NRXN3: variants seen among roughly 807,000 people sequenced by gnomAD.
The protein encoded by NRXN3 is neurexin 3.
Under a neutral mutation model 137.6 loss-of-function variants are expected in NRXN3, and 32 were observed. That is an observed-to-expected ratio of 0.23 (90% CI 0.18 to 0.31). The LOEUF (loss-of-function observed/expected upper bound fraction) is 0.31, where lower values mean the gene tolerates loss of function less well. Among genes scored for constraint, NRXN3 ranks in the 10% least tolerant of loss-of-function variants. The pLI is 1.00. For missense variants in NRXN3, 1,574 were observed against 2,062.5 expected, an observed-to-expected ratio of 0.76 and a Z score of 4.59; for synonymous variants, 798 against 784.5, an observed-to-expected ratio of 1.02 and a Z score of -0.29.
chr14:79,300,738 A>G (rs1230119414), intron 15 of NRXN3, among the ~76,000 whole-genome samples: 1 of 152,090 alleles, frequency 6.6e-6, no homozygotes, highest in African/African-American at 2.4e-5. Flanking sequence ...GGCTAGATTC[A>G]ATGGGCAGGG....
At chr14:79,161,870 A>G (rs2060806272) in intron 15 of NRXN3, among the ~76,000 whole-genome samples, 1 of 151,994 alleles carries the variant, frequency 6.6e-6, no homozygotes, top group East Asian at 2.0e-4. Context: ...GACTTTAACA[A>G]TAAAGATACT....
rs182646613 is a variant in NRXN3, at chr14:79,474,535, C to G, written c.3444+7133C>G. On this transcript the variant is annotated intron_variant, in intron 16 of 20. Transcript: ENST00000335750. Reference sequence around the variant, plus strand: ...ATCTCTTTAGCATAAAGTGAAGAAGCAGTTACCTCTGAGGGAATTTAGGTC... The same window carrying G: ...ATCTCTTTAGCATAAAGTGAAGAAGGAGTTACCTCTGAGGGAATTTAGGTC... 2.4e-3 allele frequency among the ~76,000 whole-genome samples: 364 copies of G among 152,172 alleles called. 1 individual carries two copies. Among genetic ancestry groups the G allele is most frequent in the Non-Finnish European group, 4.5e-3 (304 of 67,992 alleles).
chr14:78,516,780 T>G (rs969530306), intron 4 of NRXN3, among the ~76,000 whole-genome samples: 1 of 152,132 alleles, frequency 6.6e-6, no homozygotes, highest in African/African-American at 2.4e-5. Context: ...TATTTCCCAC[T>G]GAAACTTGGG....
intron 19 of NRXN3, among the ~76,000 whole-genome samples, chr14:79,720,137 C>T (rs1318449829): frequency 2.0e-5 from 3 of 151,970 alleles, no homozygotes; most frequent in Non-Finnish European, 4.4e-5. Flanking sequence ...GCTAGGGAGG[C>T]CTCACAATCA....
chr14:78,254,434 A>T (rs1043749810), intron 2 of NRXN3, among the ~76,000 whole-genome samples: 1 of 152,158 alleles, frequency 6.6e-6, no homozygotes, highest in East Asian at 1.9e-4. Context: ...TAATCCCAGC[A>T]CTTTGGGAGG....
At chr14:79,298,895 T>A (rs2084659763) in intron 15 of NRXN3, 1 of 152,202 alleles carries the variant, frequency 6.6e-6, no homozygotes, top group Non-Finnish European at 1.5e-5. Flanking sequence ...GCTGCTTAAA[T>A]AGGATGAGCA....
In NRXN3 at chr14:78,668,491, G is replaced by T. The variant is rs74763858; in HGVS notation, c.1221+17165G>T. Reference sequence around the variant, plus strand: ...ACAATATCTGGAGACTCTTTTAGTTGTTGAAACTAGGGTGGAGGAGTGGTT... The same window carrying T: ...ACAATATCTGGAGACTCTTTTAGTTTTTGAAACTAGGGTGGAGGAGTGGTT... On this transcript the variant is annotated intron_variant, in intron 6 of 20. Coordinates refer to ENST00000335750, the MANE Select transcript of NRXN3 (RefSeq NM_001330195.2). Among the ~76,000 whole-genome samples, 4 of 152,272 alleles carry T rather than the reference G, an allele frequency of 2.6e-5. No homozygotes were observed. In the East Asian group the frequency reaches 7.7e-4, roughly 29 times the overall value.
At chr14:79,525,378 C>T (rs185870762) in intron 16 of NRXN3, among the ~76,000 whole-genome samples, 1 of 152,180 alleles carries the variant, frequency 6.6e-6, no homozygotes, top group South Asian at 2.1e-4. Flanking sequence ...AATTCCCCAC[C>T]TGCATGGAGG....
intron 20 of NRXN3, among the ~76,000 whole-genome samples, chr14:79,844,927 A>G (rs1603619027): frequency 6.6e-6 from 1 of 152,040 alleles, no homozygotes; most frequent in African/African-American, 2.4e-5. Flanking sequence ...TACATTAAAA[A>G]CCTGTTGTTT....
intron 14 of NRXN3, chr14:78,972,838 C>CA (rs2099447982): frequency 2.0e-5 from 3 of 152,234 alleles, no homozygotes; most frequent in Admixed American, 2.0e-4. Flanking sequence ...CTCTTACTAA[C>CA]CTCTGGTTAT....
At chr14:78,713,754 T>G (rs1293386788) in intron 7 of NRXN3, among the ~76,000 whole-genome samples, 1 of 152,140 alleles carries the variant, frequency 6.6e-6, no homozygotes, top group Non-Finnish European at 1.5e-5. Flanking sequence ...AGAAGTGCAG[T>G]GCCAGCCAGA....
chr14:79,456,771 G>A (rs1175539766), intron 15 of NRXN3, among the ~76,000 whole-genome samples: 5 of 151,632 alleles, frequency 3.3e-5, no homozygotes, highest in Admixed American at 3.3e-4. Context: ...AGGAGAGGAA[G>A]AGAAGCAGAG....
intron 4 of NRXN3, among the ~76,000 whole-genome samples, chr14:78,349,415 A>G: frequency 6.6e-6 from 1 of 152,194 alleles, no homozygotes; most frequent in Non-Finnish European, 1.5e-5. Context: ...CCATCAGGAT[A>G]TTAGCTGGGA....
chr14:78,707,561 A>AT (rs1439530152), intron 6 of NRXN3, among the ~76,000 whole-genome samples: 2 of 152,066 alleles, frequency 1.3e-5, no homozygotes, highest in African/African-American at 2.4e-5. Flanking sequence ...GTCATAACAG[A>AT]TTTTTTTCCC....
chr14:79,849,555 A>G (rs2099387350), intron 20 of NRXN3, among the ~76,000 whole-genome samples: 2 of 152,224 alleles, frequency 1.3e-5, no homozygotes, highest in South Asian at 4.1e-4. Flanking sequence ...TCACCATGAG[A>G]TATCACCTCA....
intron 15 of NRXN3, among the ~76,000 whole-genome samples, chr14:79,101,333 A>C (rs571685744): frequency 2.6e-5 from 4 of 152,330 alleles, no homozygotes; most frequent in Admixed American, 2.6e-4. Context: ...TCTCCAATTC[A>C]AGCTTAAGTT....
intron 4 of NRXN3, among the ~76,000 whole-genome samples, chr14:78,626,425 G>A (rs575387936): frequency 1.3e-5 from 2 of 152,052 alleles, no homozygotes; most frequent in African/African-American, 4.8e-5. Flanking sequence ...GAGAGTTAAA[G>A]GCATCAATCG....
At chr14:79,491,725 A>G (rs972315235) in intron 16 of NRXN3, among the ~76,000 whole-genome samples, 1 of 152,182 alleles carries the variant, frequency 6.6e-6, no homozygotes, top group Non-Finnish European at 1.5e-5. Context: ...GCCAATGAGC[A>G]TGATGGACTA....
chr14:79,536,512 G>C (rs114869871), intron 16 of NRXN3, among the ~76,000 whole-genome samples: 1 of 150,040 alleles, frequency 6.7e-6, no homozygotes, highest in Non-Finnish European at 1.5e-5. Context: ...GGTTTATTTC[G>C]TAGGTAAATG....
Sources: gnomAD v4.1 joint callset for allele counts (sites outside exome capture counted in the v4.1 genomes callset) on GRCh38, gnomAD v4.1.1 for gene constraint, MANE v1.5 for transcripts, NCBI Gene and HGNC (gene_info 2026-07-23, HGNC 2026-07-21) for gene names.